LRRC14: variants seen among roughly 807,000 people sequenced by gnomAD.
LRRC14 encodes the protein leucine-rich repeat-containing protein 14.
A neutral mutation model predicts 25.3 loss-of-function variants in LRRC14; 16 were observed. That is an observed-to-expected ratio of 0.63 (90% CI 0.43 to 0.96). LRRC14 has a LOEUF of 0.96. LRRC14 is among the 40% of genes least tolerant of loss of function. The pLI is 0.00. For synonymous variants in LRRC14, 359 were observed against 295.1 expected (o/e 1.22, Z -2.22); for missense variants, 594 against 660.5 (o/e 0.90, Z 1.10).
At position 144,521,823 on chromosome 8, in the gene LRRC14, C is replaced by G. The variant is rs550298193; in HGVS notation, c.*345C>G. 3.6e-6 allele frequency: 1 copy of G among 279,842 alleles called. No individual in the cohort carries two copies. The highest frequency in any genetic ancestry group is 2.2e-5 in the African/African-American group (1 of 45,700). The allele number at this position is 279,842 out of a possible 1,614,324, so 17.3% of individuals were successfully genotyped here. A position where few individuals can be genotyped will look rare whatever the true frequency, so the allele number is the denominator to read the frequency against. On this transcript the variant is annotated 3_prime_UTR_variant, in exon 4 of 4. Coordinates refer to ENST00000292524, the MANE Select transcript of LRRC14 (RefSeq NM_014665.4). ...AGTTGTGAGCTGAGAGAGATGATGG[C>G]CTCTCTGGGCCTTTCCTCTCCCTTT...
Position 144,522,260 on chromosome 8 carries a change from G to T in LRRC14, c.*782G>T. 1.6e-6 allele frequency: 1 copy of T among 621,716 alleles called. No individual in the cohort carries two copies. Among genetic ancestry groups the T allele is most frequent in the Non-Finnish European group, 2.4e-6 (1 of 408,312 alleles). The allele number at this position is 621,716 out of a possible 1,614,324, so 38.5% of individuals were successfully genotyped here. ...CCCCCCCCATGCAGAGCTGGAGGTT[G>T]GGGTGATGTCTTTTCGGAAGAGCTT... On this transcript the variant is annotated 3_prime_UTR_variant, in exon 4 of 4. Transcript: ENST00000292524.
rs1196450071 is a variant in LRRC14, at chr8:144,523,399, C to T, written c.*1921C>T. ...GCCAGTGCAGGGCGCAGTCACAGCG[C>T]CATGGGTTCTCTGTGGGAGAGCAGC... On this transcript the variant is annotated 3_prime_UTR_variant, in exon 4 of 4. Coordinates refer to ENST00000292524, the MANE Select transcript of LRRC14 (RefSeq NM_014665.4). 6.5e-7 allele frequency: 1 copy of T among 1,532,144 alleles called. No homozygotes were observed. The highest frequency in any genetic ancestry group is 1.4e-5 in the African/African-American group (1 of 72,160). 94.9% of individuals were successfully genotyped at this position (1,532,144 alleles called of 1,614,324 possible).
At position 144,524,977 on chromosome 8, in the gene LRRC14, C is replaced by T; in HGVS notation, c.*3499C>T. 2 of 1,449,334 alleles carry T rather than the reference C, an allele frequency of 1.4e-6. No individual in the cohort carries two copies. The highest frequency in any genetic ancestry group is 2.5e-4 in the Middle Eastern group (1 of 4,028). 89.8% of individuals were successfully genotyped at this position (1,449,334 alleles called of 1,614,324 possible). ...AGTGCGGGGGCCCTCAGGGCCATCT[C>T]CCGAGGCCCGGTTCCTCACCGGCCC... On this transcript the variant is annotated 3_prime_UTR_variant, in exon 4 of 4. Coordinates refer to ENST00000292524, the MANE Select transcript of LRRC14 (RefSeq NM_014665.4).
intron 1 of LRRC14, chr8:144,519,350 C>T (rs1815792225): frequency 3.2e-6 from 1 of 315,460 alleles, no homozygotes; most frequent in Non-Finnish European, 6.0e-6. Context: ...TTTTGTGAAG[C>T]AGCTTTGTAA....
In LRRC14 at chr8:144,524,630, G is replaced by A. The variant is rs1333689835; in HGVS notation, c.*3152G>A. 5 of 1,522,492 alleles carry A rather than the reference G, an allele frequency of 3.3e-6. No individual in the cohort carries two copies. Among genetic ancestry groups the A allele is most frequent in the East Asian group, 5.0e-5 (2 of 40,178 alleles). 94.3% of individuals were successfully genotyped at this position (1,522,492 alleles called of 1,614,324 possible). A position where few individuals can be genotyped will look rare whatever the true frequency, so the allele number is the denominator to read the frequency against. On this transcript the variant is annotated 3_prime_UTR_variant, in exon 4 of 4. Coordinates refer to ENST00000292524, the MANE Select transcript of LRRC14 (RefSeq NM_014665.4). Reference sequence around the variant, plus strand: ...CGGCCTCCAGGGCGCGCAGGCTGTTGTTGTGCAGGTAGAGCCGGCGCAGAG... The same window carrying A: ...CGGCCTCCAGGGCGCGCAGGCTGTTATTGTGCAGGTAGAGCCGGCGCAGAG...
Position 144,522,973 on chromosome 8 carries a change from G to A in LRRC14, c.*1495G>A, listed in dbSNP as rs776541627. On this transcript the variant is annotated 3_prime_UTR_variant, in exon 4 of 4. Coordinates refer to ENST00000292524, the MANE Select transcript of LRRC14 (RefSeq NM_014665.4). ...GCACGCGGGCAGCGCCGCCGGCGTT[G>A]GAGGCCTCGCACTCGTACTTACCGG... The A allele has an allele frequency of 4.4e-6, 7 of 1,587,710 alleles. No homozygotes were observed. Among genetic ancestry groups the A allele is most frequent in the South Asian group, 3.3e-5 (3 of 90,042 alleles).
chr8:144,519,206 C>A, intron 1 of LRRC14: 1 of 174,120 alleles, frequency 5.7e-6, no homozygotes, highest in Non-Finnish European at 1.3e-5. Context: ...CAAGTGTAGC[C>A]CTGGAGAGCA....
chr8:144,521,038 C>A lies in LRRC14; in HGVS notation c.1042C>A (p.Leu348Met). Reference sequence around the variant, plus strand: ...GAAGTTGGACCTGAGTGGTAACGACCTGTCTGGCAGCCAGCTGGCACCCTT... The same window carrying A: ...GAAGTTGGACCTGAGTGGTAACGACATGTCTGGCAGCCAGCTGGCACCCTT... ...LKKLDLSGND[L>M]SGSQLAPFQG... Residue 348 changes from leucine to methionine, a missense_variant, in exon 4 of 4, where the codon CTG (leucine) becomes ATG (methionine). Transcript: ENST00000292524. The A allele has an allele frequency of 6.2e-7, 1 of 1,613,094 alleles. No individual in the cohort carries two copies. The highest frequency in any genetic ancestry group is 1.1e-5 in the South Asian group (1 of 91,084).
rs975478616 is a variant in LRRC14, at chr8:144,522,538, C to A, written c.*1060C>A. 5.2e-6 allele frequency: 8 copies of A among 1,523,972 alleles called. No homozygotes were observed. The highest frequency in any genetic ancestry group is 2.7e-5 in the East Asian group (1 of 37,496). The allele number at this position is 1,523,972 out of a possible 1,614,324, so 94.4% of individuals were successfully genotyped here. A position where few individuals can be genotyped will look rare whatever the true frequency, so the allele number is the denominator to read the frequency against. ...GGAGTCCCGGCCCCGCCCCCTGTTC[C>A]GGGCCGCAGTCAGCGGGCGCCTCCG... On this transcript the variant is annotated 3_prime_UTR_variant, in exon 4 of 4. Coordinates refer to ENST00000292524, the MANE Select transcript of LRRC14 (RefSeq NM_014665.4).
Position 144,523,520 on chromosome 8 carries a change from T to A in LRRC14, c.*2042T>A. 1 of 1,407,056 alleles carries A rather than the reference T, an allele frequency of 7.1e-7. No homozygotes were observed. The highest frequency in any genetic ancestry group is 9.2e-7 in the Non-Finnish European group (1 of 1,090,472). 87.2% of individuals were successfully genotyped at this position (1,407,056 alleles called of 1,614,324 possible). The stretch of plus-strand genomic sequence containing the variant: ...GCCTCTTTCCCACCTCCCACAGCGT[T>A]TTCACACGGAGTCCAAGGCCCTGCC... On this transcript the variant is annotated 3_prime_UTR_variant, in exon 4 of 4. Coordinates refer to ENST00000292524, the MANE Select transcript of LRRC14 (RefSeq NM_014665.4).
rs374839195 is a variant in LRRC14, at chr8:144,521,305, G to A, written c.1309G>A (p.Gly437Ser). Residue 437 changes from glycine (G) to serine (S), a missense_variant, in exon 4 of 4, where the codon GGC (glycine) becomes AGC (serine). Physicochemically the swap from Gly to Ser is moderately conservative, Grantham distance 56. Coordinates refer to ENST00000292524, the MANE Select transcript of LRRC14 (RefSeq NM_014665.4). ...CCCCTTCCCTGTGGACTGCTATGAG[G>A]GCTTGCCCTGGCCGCCGCCTGCCTC... Reference protein sequence around the residue: ...VHPFPVDCYEGLPWPPPASVL... With the variant: ...VHPFPVDCYESLPWPPPASVL... The A allele has an allele frequency of 1.5e-5, 25 of 1,612,912 alleles. No individual in the cohort carries two copies. Among genetic ancestry groups the A allele is most frequent in the Non-Finnish European group, 1.9e-5 (22 of 1,180,016 alleles).
Position 144,522,501 on chromosome 8 carries a change from G to GCGGGGGCACGCGGAGT in LRRC14, c.*1025_*1040dup. ...TAGCAGTGGATCTCGTAGGCGACCG[G>GCGGGGGCACGCGGAGT]CGGGGGCACGCGGAGTCCCGGCCCC... On this transcript the variant is annotated 3_prime_UTR_variant, in exon 4 of 4. Coordinates refer to ENST00000292524, the MANE Select transcript of LRRC14 (RefSeq NM_014665.4). The GCGGGGGCACGCGGAGT allele has an allele frequency of 6.7e-7, 1 of 1,494,412 alleles. No homozygotes were observed. Among genetic ancestry groups the GCGGGGGCACGCGGAGT allele is most frequent in the Non-Finnish European group, 8.9e-7 (1 of 1,127,766 alleles). 92.6% of individuals were successfully genotyped at this position (1,494,412 alleles called of 1,614,324 possible).
In LRRC14 at chr8:144,523,451, C is replaced by G; in HGVS notation, c.*1973C>G. On this transcript the variant is annotated 3_prime_UTR_variant, in exon 4 of 4. Transcript: ENST00000292524. ...TTAGGCAGGTGGCTTGAGGGTGCTG[C>G]TAAAACAGCCTGTGCAGTTGGGGTT... The G allele has an allele frequency of 2.0e-6, 3 of 1,501,442 alleles. No homozygotes were observed. The highest frequency in any genetic ancestry group is 2.7e-6 in the Non-Finnish European group (3 of 1,129,706). 93.0% of individuals were successfully genotyped at this position (1,501,442 alleles called of 1,614,324 possible).
chr8:144,524,837 C>T lies in LRRC14; in HGVS notation c.*3359C>T. 1 of 1,479,352 alleles carries T rather than the reference C, an allele frequency of 6.8e-7. No homozygotes were observed. Among genetic ancestry groups the T allele is most frequent in the Non-Finnish European group, 9.0e-7 (1 of 1,114,830 alleles). The allele number at this position is 1,479,352 out of a possible 1,614,324, so 91.6% of individuals were successfully genotyped here. Reference sequence around the variant, plus strand: ...CCACCTGCGTCCCTGGCGGGATTCCCAGCGGGACGACGCGCAACCGCAGGG... The same window carrying T: ...CCACCTGCGTCCCTGGCGGGATTCCTAGCGGGACGACGCGCAACCGCAGGG... On this transcript the variant is annotated 3_prime_UTR_variant, in exon 4 of 4. Transcript: ENST00000292524.
chr8:144,521,073 G>T lies in LRRC14; in HGVS notation c.1077G>T (p.Leu359=), dbSNP rs777103683. ...GCCAGCTGGCACCCTTCCAGGGTCT[G>T]TTGCAGGCATCAGCAGCCACACTGT... ...SGSQLAPFQG[L]LQASAATLLH... Residue 359 remains leucine, a synonymous_variant, in exon 4 of 4, where the codon CTG becomes CTT. Transcript: ENST00000292524. 107 of 1,612,910 alleles carry T rather than the reference G, an allele frequency of 6.6e-5. No individual in the cohort carries two copies. Among genetic ancestry groups the T allele is most frequent in the Non-Finnish European group, 8.4e-5 (99 of 1,180,038 alleles).
chr8:144,518,055 G>C lies in LRRC14; in HGVS notation c.-112+14G>C. ...GTTGCGGGACCGGTGAGCGCGGGCG[G>C]CCGGGGGGGTGTCTGAGCGGGGCGG... On this transcript the variant is annotated intron_variant, in intron 1 of 3. Transcript: ENST00000292524. 3.2e-5 allele frequency: 5 copies of C among 157,296 alleles called. No individual in the cohort carries two copies. Among genetic ancestry groups the C allele is most frequent in the South Asian group, 1.9e-4 (1 of 5,234 alleles). 9.7% of individuals were successfully genotyped at this position (157,296 alleles called of 1,614,324 possible).
Position 144,522,427 on chromosome 8 carries a change from C to T in LRRC14, c.*949C>T, listed in dbSNP as rs1349066779. The T allele has an allele frequency of 1.3e-5, 18 of 1,381,948 alleles. No individual in the cohort carries two copies. The highest frequency in any genetic ancestry group is 1.7e-5 in the Non-Finnish European group (18 of 1,076,164). 85.6% of individuals were successfully genotyped at this position (1,381,948 alleles called of 1,614,324 possible). A position where few individuals can be genotyped will look rare whatever the true frequency, so the allele number is the denominator to read the frequency against. On this transcript the variant is annotated 3_prime_UTR_variant, in exon 4 of 4. Transcript: ENST00000292524. ...CTTTACTGACGGAGCATGCGCGAGG[C>T]CGCACCGGCCAATCTCCGGCGCCCA... is the stretch of plus-strand genomic sequence containing the variant.
At chr8:144,520,160 T>C in intron 2 of LRRC14, 78 bp from the exon 3 acceptor site, 1 of 1,569,192 alleles carries the variant, frequency 6.4e-7, no homozygotes, top group Non-Finnish European at 8.6e-7. Context: ...GCAGGCGCGT[T>C]GCTCCTGTCC....
At position 144,522,298 on chromosome 8, in the gene LRRC14, T is replaced by C; in HGVS notation, c.*820T>C. On this transcript the variant is annotated 3_prime_UTR_variant, in exon 4 of 4. Coordinates refer to ENST00000292524, the MANE Select transcript of LRRC14 (RefSeq NM_014665.4). ...TTCGGAAGAGCTTCAAGGGAGGTGT[T>C]GGGGCCTCCCCGGCCACCTTCCATT... The C allele has an allele frequency of 2.1e-6, 2 of 931,336 alleles. No homozygotes were observed. Among genetic ancestry groups the C allele is most frequent in the Non-Finnish European group, 2.9e-6 (2 of 680,874 alleles). The allele number at this position is 931,336 out of a possible 1,614,324, so 57.7% of individuals were successfully genotyped here. A position where few individuals can be genotyped will look rare whatever the true frequency, so the allele number is the denominator to read the frequency against.
Sources: allele counts gnomAD v4.1 joint callset, GRCh38; gene constraint gnomAD v4.1.1; transcripts MANE v1.5; gene names NCBI Gene and HGNC (gene_info 2026-07-23, HGNC 2026-07-21).